TNIK: variants seen among roughly 807,000 people sequenced by gnomAD.
The protein encoded by TNIK is TRAF2 and NCK interacting kinase.
A neutral mutation model predicts 191.3 loss-of-function variants in TNIK; 49 were observed. The observed-to-expected ratio is 0.26, with a 90% confidence interval of 0.20 to 0.32. TNIK has a LOEUF of 0.32. Ranked by LOEUF, TNIK falls within the 10% of genes least tolerant of loss-of-function variation. TNIK has a pLI of 1.00. For synonymous variants in TNIK, 594 were observed against 600.9 expected, an observed-to-expected ratio of 0.99 and a Z score of 0.17; for missense variants, 1,155 against 1,702.3, an observed-to-expected ratio of 0.68 and a Z score of 5.66.
At chr3:171,185,178 C>CGTGTGTGTGTGTGTGTGT (rs148499254) in intron 7 of TNIK, among the ~76,000 whole-genome samples, 11 of 145,872 alleles carry the variant, frequency 7.5e-5, no homozygotes, top group South Asian at 2.2e-4. Context: ...ATAGATTTCC[C>CGTGTGTGTGTGTGTGTGT]GTGTGTGTGT....
At chr3:171,212,999 G>A (rs1257217555) in intron 3 of TNIK, among the ~76,000 whole-genome samples, 1 of 152,140 alleles carries the variant, frequency 6.6e-6, no homozygotes, top group East Asian at 1.9e-4. Flanking sequence ...GGGATGCTGA[G>A]CTAAGGAGAA....
intron 2 of TNIK, among the ~76,000 whole-genome samples, chr3:171,250,904 T>C (rs1464490194): frequency 1.9e-4 from 29 of 152,204 alleles, no homozygotes; most frequent in Admixed American, 1.4e-3. Flanking sequence ...AATTATCAAT[T>C]GATGGTGTCC....
At position 171,112,634 on chromosome 3, in the gene TNIK, G is replaced by T. The variant is rs556648396; in HGVS notation, c.2121-1757C>A. Among the ~76,000 whole-genome samples, 5 of 152,168 alleles carry T rather than the reference G, an allele frequency of 3.3e-5. No homozygotes were observed. The South Asian group carries it at 1.0e-3, about 32-fold the overall frequency. Reference sequence around the variant, plus strand: ...TCACAGAAACAATAGAATGAGAGTTGCTGGGGTTTTTTTCTTTTGTATCTA... The same window carrying T: ...TCACAGAAACAATAGAATGAGAGTTTCTGGGGTTTTTTTCTTTTGTATCTA... On this transcript the variant is annotated intron_variant, in intron 18 of 32. Coordinates refer to ENST00000436636, the MANE Select transcript of TNIK (RefSeq NM_015028.4).
At chr3:171,147,075 G>A (rs901723778) in intron 12 of TNIK, among the ~76,000 whole-genome samples, 14 of 152,244 alleles carry the variant, frequency 9.2e-5, no homozygotes, top group African/African-American at 2.9e-4. Flanking sequence ...AGAGTGAAAC[G>A]AAGCAGAATT....
intron 12 of TNIK, among the ~76,000 whole-genome samples, chr3:171,154,501 T>C (rs1157982789): frequency 6.6e-6 from 1 of 152,026 alleles, no homozygotes; most frequent in Non-Finnish European, 1.5e-5. Context: ...AAGTATAGAA[T>C]GTGCTCAGCA....
At chr3:171,403,263 A>T (rs887920312) in intron 1 of TNIK, among the ~76,000 whole-genome samples, 6 of 152,200 alleles carry the variant, frequency 3.9e-5, no homozygotes, top group Non-Finnish European at 8.8e-5. Flanking sequence ...AAGAGTGTAG[A>T]ACTACACTAG....
intron 2 of TNIK, among the ~76,000 whole-genome samples, chr3:171,304,969 T>A: frequency 7.0e-6 from 1 of 143,438 alleles, no homozygotes. Context: ...GTAACAAACC[T>A]GCACGTTGTG....
chr3:171,124,815 T>A (rs1262793822), intron 17 of TNIK, among the ~76,000 whole-genome samples: 2 of 152,230 alleles, frequency 1.3e-5, no homozygotes. Flanking sequence ...CCCAGGTTCA[T>A]GCATGTATGC....
intron 2 of TNIK, among the ~76,000 whole-genome samples, chr3:171,319,029 A>T (rs1241188780): frequency 6.6e-6 from 1 of 152,010 alleles, no homozygotes; most frequent in Non-Finnish European, 1.5e-5. Flanking sequence ...AATAAAAAAA[A>T]TGTAGCTGGG....
intron 5 of TNIK, among the ~76,000 whole-genome samples, chr3:171,193,589 A>G (rs1738317226): frequency 6.6e-6 from 1 of 152,210 alleles, no homozygotes; most frequent in Non-Finnish European, 1.5e-5. Flanking sequence ...GCATTTAATG[A>G]ACAGACATCG....
intron 2 of TNIK, among the ~76,000 whole-genome samples, chr3:171,317,971 C>A (rs903799445): frequency 1.3e-5 from 2 of 152,144 alleles, no homozygotes; most frequent in African/African-American, 2.4e-5. Context: ...AACGTGTGTG[C>A]TTATTACTAC....
intron 17 of TNIK, among the ~76,000 whole-genome samples, chr3:171,125,020 C>T (rs1576894099): frequency 6.6e-6 from 1 of 151,926 alleles, no homozygotes; most frequent in South Asian, 2.1e-4. Flanking sequence ...TAATGGGACT[C>T]TTGTTATAAT....
intron 2 of TNIK, among the ~76,000 whole-genome samples, chr3:171,284,716 G>T (rs1750834238): frequency 1.3e-5 from 2 of 152,172 alleles, no homozygotes; most frequent in Non-Finnish European, 2.9e-5. Context: ...CATTATTTAA[G>T]GGGCCTGTCT....
chr3:171,336,827 A>C (rs549879741), intron 2 of TNIK, among the ~76,000 whole-genome samples: 1 of 152,348 alleles, frequency 6.6e-6, no homozygotes, highest in East Asian at 1.9e-4. Flanking sequence ...GTGAGGTAGA[A>C]GTAGGGTTAC....
intron 4 of TNIK, among the ~76,000 whole-genome samples, chr3:171,204,295 T>A (rs1184747968): frequency 6.6e-6 from 1 of 152,218 alleles, no homozygotes; most frequent in African/African-American, 2.4e-5. Context: ...AAAGAGCTAG[T>A]GCTAAACAAG....
intron 15 of TNIK, among the ~76,000 whole-genome samples, chr3:171,135,694 A>G (rs1015213761): frequency 6.6e-6 from 1 of 152,212 alleles, no homozygotes; most frequent in Non-Finnish European, 1.5e-5. Context: ...ACCTTGGAAG[A>G]TGTCACCCAC....
chr3:171,339,334 T>C (rs924716231), intron 2 of TNIK, among the ~76,000 whole-genome samples: 9 of 152,208 alleles, frequency 5.9e-5, no homozygotes, highest in African/African-American at 2.2e-4. Context: ...ATGTGTCCAC[T>C]CTGATATTCA....
At chr3:171,451,186 G>A (rs1160489648) in intron 1 of TNIK, among the ~76,000 whole-genome samples, 1 of 152,170 alleles carries the variant, frequency 6.6e-6, no homozygotes, top group Non-Finnish European at 1.5e-5. Context: ...CCAAGGCTAG[G>A]TCATAAAAGA....
At chr3:171,118,558 C>T (rs1472447532) in intron 18 of TNIK, among the ~76,000 whole-genome samples, 1 of 152,138 alleles carries the variant, frequency 6.6e-6, no homozygotes, top group Admixed American at 6.5e-5. Context: ...GCTACAGTAA[C>T]CAAAACAGCA....
Sources: gnomAD v4.1 joint callset for allele counts (sites outside exome capture counted in the v4.1 genomes callset) on GRCh38, gnomAD v4.1.1 for gene constraint, MANE v1.5 for transcripts, NCBI Gene and HGNC (gene_info 2026-07-23, HGNC 2026-07-21) for gene names.